Variants in VPS13C observed in about 807,000 individuals in gnomAD.
VPS13C encodes the protein vacuolar protein sorting 13 homolog C, also known as intermembrane lipid transfer protein VPS13C.
VPS13C carries 358 observed loss-of-function variants against 456.8 expected under a neutral mutation model. The ratio of observed to expected loss-of-function variants is 0.78; its 90% CI spans 0.72 to 0.86. The LOEUF (loss-of-function observed/expected upper bound fraction) is 0.86. Ranked by LOEUF, VPS13C falls within the 40% of genes least tolerant of loss-of-function variation. VPS13C has a pLI of 0.00. For synonymous variants in VPS13C, 1,578 were observed against 1,486.7 expected (o/e 1.06, Z -1.41); for missense variants, 4,818 against 4,385.4 (o/e 1.10, Z -2.79).
chr15:61,873,008 C>T (rs1895148001), intron 78 of VPS13C, among the ~76,000 whole-genome samples: 1 of 152,018 alleles, frequency 6.6e-6, no homozygotes, highest in Non-Finnish European at 1.5e-5. Flanking sequence ...TCCTCGCCTT[C>T]TACACCAGTA....
chr15:62,056,514 TAGCGGTAGCGAAAAGTGTCAAGGAAAA>T (rs2048805689), intron 1 of VPS13C, among the ~76,000 whole-genome samples: 1 of 152,142 alleles, frequency 6.6e-6, no homozygotes. Context: ...GAAGGTGGTC[TAGCGGTAGCGAAAAGTGTCAAGGAAAA>T]ACACCCGCGA....
At chr15:62,028,281 A>C in intron 6 of VPS13C, 77 bp downstream of exon 6, 3 of 1,493,868 alleles carry the variant, frequency 2.0e-6, no homozygotes, top group Non-Finnish European at 2.8e-6. Context: ...CATGCCATCA[A>C]ATGGACTCCA....
At chr15:62,059,484 T>C (rs1010732985) in intron 1 of VPS13C, among the ~76,000 whole-genome samples, 2 of 152,292 alleles carry the variant, frequency 1.3e-5, no homozygotes, top group East Asian at 1.9e-4. Flanking sequence ...AGAGTGTATG[T>C]TTAAGTACAC....
chr15:61,921,288 A>C (rs1297866528), intron 55 of VPS13C, among the ~76,000 whole-genome samples: 1 of 152,046 alleles, frequency 6.6e-6, no homozygotes, highest in East Asian at 1.9e-4. Context: ...TCAGTGCCTG[A>C]CTCCTTAGTA....
chr15:61,862,225 G>A (rs1237043449), intron 82 of VPS13C, among the ~76,000 whole-genome samples: 2 of 152,126 alleles, frequency 1.3e-5, no homozygotes, highest in Non-Finnish European at 2.9e-5. Context: ...AGTCTACTAA[G>A]TAAGGTTAGC....
chr15:62,034,136 C>G (rs1273789581), intron 4 of VPS13C, among the ~76,000 whole-genome samples: 1 of 151,388 alleles, frequency 6.6e-6, no homozygotes, highest in African/African-American at 2.4e-5. Context: ...ATAGTATTGA[C>G]TATAAAGCTA....
intron 69 of VPS13C, 32 bp from the exon 70 acceptor site, chr15:61,881,860 T>C (rs1026110510): frequency 6.5e-7 from 1 of 1,547,904 alleles, no homozygotes; most frequent in African/African-American, 1.4e-5. Context: ...TTATCAAGAT[T>C]TCAAATAATT....
intron 25 of VPS13C, 28 bp downstream of exon 25, chr15:61,974,260 G>C (rs1461525823): frequency 1.3e-6 from 2 of 1,597,580 alleles, no homozygotes; most frequent in Non-Finnish European, 1.7e-6. Context: ...ATAAAAATAG[G>C]GTTATACATT....
intron 65 of VPS13C, 101 bp downstream of exon 65, chr15:61,908,891 T>C (rs2043219453): frequency 2.1e-6 from 3 of 1,403,198 alleles, no homozygotes; most frequent in Non-Finnish European, 2.9e-6. Flanking sequence ...CCATATCACC[T>C]TTCTAAAATC....
In VPS13C at chr15:61,936,725, G is replaced by T; in HGVS notation, c.5627C>A (p.Thr1876Lys). Reference sequence around the variant, plus strand: ...TTCTAGCAAAATTTTCATTAAAACTGTCAAGTCATCTTCACTGAGAGCAAC... The same window carrying T: ...TTCTAGCAAAATTTTCATTAAAACTTTCAAGTCATCTTCACTGAGAGCAAC... ...MQVALSEDDL[T>K]VLMKILLENL... is the part of the protein sequence containing the mutation. Residue 1876 changes from threonine to lysine, a missense_variant, in exon 48 of 85, where the codon ACA (threonine) becomes AAA (lysine). By Grantham distance (78) the Thr-to-Lys change is moderately conservative. Around this residue, in one of 3 missense-constraint regions of VPS13C, gnomAD observed 4,552 missense variants for 4,130.6 expected, o/e 1.10. Coordinates refer to ENST00000644861, the MANE Select transcript of VPS13C (RefSeq NM_020821.3). 1 of 1,612,664 alleles carries T rather than the reference G, an allele frequency of 6.2e-7. No homozygotes were observed.
chr15:62,025,037 T>A (rs2047588126), intron 6 of VPS13C, among the ~76,000 whole-genome samples: 1 of 152,116 alleles, frequency 6.6e-6, no homozygotes, highest in Non-Finnish European at 1.5e-5. Flanking sequence ...TATACCATAT[T>A]TGAAGTGTTT....
chr15:61,867,487 C>T lies in VPS13C; in HGVS notation c.10863+1172G>A. On this transcript the variant is annotated intron_variant, in intron 81 of 84. Coordinates refer to ENST00000644861, the MANE Select transcript of VPS13C (RefSeq NM_020821.3). The surrounding 1 kb of genome is among the most constrained non-coding windows in gnomAD (Gnocchi z 5.0). ...CCCGTAACTTAAGCAAATTTAGAGC[C>T]ATTTGTGAAACAGAAAGCTATGTAA... 1 of 988,368 alleles carries T rather than the reference C, an allele frequency of 1.0e-6. No individual in the cohort carries two copies. 61.2% of individuals were successfully genotyped at this position (988,368 alleles called of 1,614,324 possible). A position where few individuals can be genotyped will look rare whatever the true frequency, so the allele number is the denominator to read the frequency against.
intron 41 of VPS13C, among the ~76,000 whole-genome samples, chr15:61,949,915 T>C (rs532717358): frequency 2.6e-5 from 4 of 152,310 alleles, no homozygotes; most frequent in Admixed American, 2.0e-4. Context: ...TGATTATGCA[T>C]GTTCAAATGG....
intron 51 of VPS13C, among the ~76,000 whole-genome samples, chr15:61,928,214 T>G (rs2043932658): frequency 6.6e-6 from 1 of 151,928 alleles, no homozygotes; most frequent in Admixed American, 6.6e-5. Context: ...AAAAGAATAA[T>G]CCTGTTTTGA....
In VPS13C at chr15:61,854,041, CA is replaced by C. The variant is rs5813124; in HGVS notation, c.*415del. ...TGGGCGACAGAGCAAGACTCGGTCT[CA>C]AAAAAAAAAAAAACCCCAAAAAAAC... On this transcript the variant is annotated 3_prime_UTR_variant, in exon 85 of 85. Coordinates refer to ENST00000644861, the MANE Select transcript of VPS13C (RefSeq NM_020821.3). The C allele has an allele frequency of 4.3e-3, 588 of 137,228 alleles. No homozygotes were observed. Among genetic ancestry groups the C allele is most frequent in the South Asian group, 0.017 (92 of 5,412 alleles). The allele number at this position is 137,228 out of a possible 1,614,324, so 8.5% of individuals were successfully genotyped here. A position where few individuals can be genotyped will look rare whatever the true frequency, so the allele number is the denominator to read the frequency against.
intron 82 of VPS13C, among the ~76,000 whole-genome samples, chr15:61,857,017 AT>A (rs1195382040): frequency 1.3e-5 from 2 of 152,312 alleles, no homozygotes; most frequent in African/African-American, 2.4e-5. Context: ...AATAAAAAAA[AT>A]AACAGAACCC....
intron 18 of VPS13C, among the ~76,000 whole-genome samples, chr15:61,985,284 G>C (rs1489663916): frequency 6.6e-6 from 1 of 152,136 alleles, no homozygotes; most frequent in Non-Finnish European, 1.5e-5. Flanking sequence ...TTGAGACAGA[G>C]ACTTGCTCTA....
chr15:61,954,860 A>T (rs1437828029), intron 37 of VPS13C, among the ~76,000 whole-genome samples: 2 of 152,202 alleles, frequency 1.3e-5, no homozygotes, highest in African/African-American at 4.8e-5. Context: ...AGGATGTATT[A>T]GAGGAGGTAT....
At position 61,988,072 on chromosome 15, in the gene VPS13C, T is replaced by A. The variant is rs149548408; in HGVS notation, c.1578+2928A>T. ...TGAAAAGGAACAATCTACAGACACA[T>A]ACTCAACATGGATGAATATCAAAAA... On this transcript the variant is annotated intron_variant, in intron 18 of 84. Coordinates refer to ENST00000644861, the MANE Select transcript of VPS13C (RefSeq NM_020821.3). Among the ~76,000 whole-genome samples, 77 of 152,286 alleles carry A rather than the reference T, an allele frequency of 5.1e-4. No homozygotes were observed. In the East Asian group the frequency reaches 0.014, roughly 27 times the overall value.
Sources: gnomAD v4.1 joint callset for allele counts (sites outside exome capture counted in the v4.1 genomes callset) on GRCh38, gnomAD v4.1.1 for gene constraint, gnomAD v4.1.1 regional missense constraint, Gnocchi (gnomAD v3.1) non-coding constraint, MANE v1.5 for transcripts, NCBI Gene and HGNC (gene_info 2026-07-23, HGNC 2026-07-21) for gene names.